The following SLC27A6 variants were observed in gnomAD, a reference collection of about 807,000 sequenced individuals.
SLC27A6 encodes the protein solute carrier family 27 member 6.
SLC27A6 carries 74 observed loss-of-function variants against 63.9 expected under a neutral mutation model. That is an observed-to-expected ratio of 1.16 (90% confidence interval 0.96 to 1.40). The LOEUF (loss-of-function observed/expected upper bound fraction) is 1.40. Among genes scored for constraint, SLC27A6 ranks in the 40% most tolerant of loss-of-function variants. The pLI is 0.00. For synonymous variants in SLC27A6, 287 were observed against 260.8 expected, an observed-to-expected ratio of 1.10 and a Z score of -0.97; for missense variants, 794 against 732.9, an observed-to-expected ratio of 1.08 and a Z score of -0.96.
At chr5:129,030,480 T>G (rs1458000852) in intron 9 of SLC27A6, among the ~76,000 whole-genome samples, 1 of 152,002 alleles carries the variant, frequency 6.6e-6, no homozygotes, top group Non-Finnish European at 1.5e-5. Flanking sequence ...TGCCAAGCAA[T>G]CATTGCAGCC....
chr5:128,974,021 C>T (rs1390234247), intron 1 of SLC27A6, among the ~76,000 whole-genome samples: 3 of 152,050 alleles, frequency 2.0e-5, no homozygotes, highest in Non-Finnish European at 2.9e-5. Context: ...TTGATAAGGC[C>T]GTAAGTTCTG....
chr5:129,013,733 A>G (rs1167112186), intron 4 of SLC27A6, among the ~76,000 whole-genome samples: 1 of 152,022 alleles, frequency 6.6e-6, no homozygotes, highest in Non-Finnish European at 1.5e-5. Context: ...GAAAATTCTC[A>G]GTTAAAATCT....
chr5:128,998,467 T>C (rs1242530163), intron 4 of SLC27A6, among the ~76,000 whole-genome samples: 1 of 152,064 alleles, frequency 6.6e-6, no homozygotes. Context: ...ATAATACTGA[T>C]TGTAAAATTC....
intron 4 of SLC27A6, among the ~76,000 whole-genome samples, chr5:129,005,476 T>C (rs562941394): frequency 7.9e-5 from 12 of 152,326 alleles, no homozygotes; most frequent in African/African-American, 2.9e-4. Context: ...CAGCAAGATT[T>C]TTCTGTAAAG....
At chr5:129,001,044 T>C (rs1256910407) in intron 4 of SLC27A6, among the ~76,000 whole-genome samples, 1 of 152,222 alleles carries the variant, frequency 6.6e-6, no homozygotes, top group Admixed American at 6.5e-5. Flanking sequence ...AACTATCTTT[T>C]GTGCCTTAAA....
intron 1 of SLC27A6, among the ~76,000 whole-genome samples, chr5:128,979,963 A>G (rs1187473015): frequency 1.3e-5 from 2 of 152,154 alleles, no homozygotes; most frequent in South Asian, 2.1e-4. Context: ...TGAAGCTTCA[A>G]CTCACCCTGC....
chr5:129,015,648 G>T (rs189986397), intron 4 of SLC27A6, among the ~76,000 whole-genome samples: 221 of 152,028 alleles, frequency 1.5e-3, no homozygotes, highest in Middle Eastern at 3.4e-3. Flanking sequence ...TTAGTGATCT[G>T]CAATTTAGAA....
chr5:129,010,221 T>G (rs1751684741), intron 4 of SLC27A6, among the ~76,000 whole-genome samples: 1 of 152,184 alleles, frequency 6.6e-6, no homozygotes, highest in Non-Finnish European at 1.5e-5. Context: ...GTCAATGAGA[T>G]TCATCTTTGT....
At chr5:128,996,272 G>A (rs1052360881) in intron 4 of SLC27A6, among the ~76,000 whole-genome samples, 1 of 151,962 alleles carries the variant, frequency 6.6e-6, no homozygotes, top group African/African-American at 2.4e-5. Flanking sequence ...ACATTCTCAA[G>A]GCATAGTCTA....
chr5:129,014,707 A>G (rs1185565029), intron 4 of SLC27A6, among the ~76,000 whole-genome samples: 4 of 152,164 alleles, frequency 2.6e-5, no homozygotes, highest in Non-Finnish European at 5.9e-5. Context: ...CTGTATGTAG[A>G]TATTCAGTTA....
At chr5:129,007,460 AAAAAAT>A (rs1561625529) in intron 4 of SLC27A6, among the ~76,000 whole-genome samples, 1 of 144,652 alleles carries the variant, frequency 6.9e-6, no homozygotes. Context: ...AAAAAAAAAA[AAAAAAT>A]ATAATGTTAA....
chr5:129,018,253 G>A (rs1192429648), intron 5 of SLC27A6, among the ~76,000 whole-genome samples: 2 of 152,008 alleles, frequency 1.3e-5, no homozygotes, highest in Non-Finnish European at 2.9e-5. Flanking sequence ...AGTTTTTTAG[G>A]TGAAATTTTC....
At chr5:129,007,801 T>C (rs1167005148) in intron 4 of SLC27A6, among the ~76,000 whole-genome samples, 5 of 152,082 alleles carry the variant, frequency 3.3e-5, no homozygotes, top group Non-Finnish European at 7.4e-5. Flanking sequence ...AATTTATAGA[T>C]AAGATATTCA....
At chr5:129,002,265 CA>C (rs1338219329) in intron 4 of SLC27A6, among the ~76,000 whole-genome samples, 1 of 152,166 alleles carries the variant, frequency 6.6e-6, no homozygotes, top group Non-Finnish European at 1.5e-5. Flanking sequence ...AAGCATCTGA[CA>C]AATAAAACTG....
At chr5:128,973,505 G>A (rs965448190) in intron 1 of SLC27A6, among the ~76,000 whole-genome samples, 1 of 152,184 alleles carries the variant, frequency 6.6e-6, no homozygotes, top group African/African-American at 2.4e-5. Flanking sequence ...TAGCCTTGCT[G>A]CCACCTCGCA....
chr5:128,967,052 T>G (rs1375717390), intron 1 of SLC27A6, among the ~76,000 whole-genome samples: 3 of 152,220 alleles, frequency 2.0e-5, no homozygotes, highest in Non-Finnish European at 1.5e-5. Flanking sequence ...GGAAGGTACC[T>G]GAATTCCTTT....
intron 1 of SLC27A6, among the ~76,000 whole-genome samples, chr5:128,969,624 A>G: frequency 6.6e-6 from 1 of 152,182 alleles, no homozygotes; most frequent in Non-Finnish European, 1.5e-5. Flanking sequence ...TTCTGTCCTG[A>G]GACTGCTGAA....
intron 1 of SLC27A6, among the ~76,000 whole-genome samples, chr5:128,976,068 T>C (rs2577428): frequency 0.24 from 36,644 of 151,788 alleles, 4,969 homozygotes; most frequent in Middle Eastern, 0.34. Flanking sequence ...AGCCAAACAG[T>C]CTATTCTACT....
chr5:129,027,281 G>T lies in SLC27A6; in HGVS notation c.1404G>T (p.Gln468His). The T allele has an allele frequency of 6.2e-7, 1 of 1,613,184 alleles. No homozygotes were observed. Among genetic ancestry groups the T allele is most frequent in the Non-Finnish European group, 8.5e-7 (1 of 1,179,348 alleles). Reference sequence around the variant, plus strand: ...TTAATACTGGAGACTTAATAGTCCAGGATCAGGACAATTTCCTTTATTTTT... The same window carrying T: ...TTAATACTGGAGACTTAATAGTCCATGATCAGGACAATTTCCTTTATTTTT... ...VYLNTGDLIV[Q>H]DQDNFLYFWD... The change falls in exon 7 of 10, where the codon CAG (glutamine) becomes CAT (histidine). Residue 468 changes from glutamine to histidine, a missense_variant. Transcript: ENST00000262462.
Sources: allele counts gnomAD v4.1 joint callset (sites outside exome capture counted in the v4.1 genomes callset), GRCh38; gene constraint gnomAD v4.1.1; transcripts MANE v1.5; gene names NCBI Gene and HGNC (gene_info 2026-07-23, HGNC 2026-07-21).